The following UPF2 variants were observed in gnomAD, a reference collection of about 807,000 sequenced individuals.
UPF2 encodes regulator of nonsense transcripts 2.
In UPF2, 17 loss-of-function variants were observed where a neutral mutation model predicts 141.4. The observed-to-expected ratio is 0.12, with a 90% CI of 0.08 to 0.18. The LOEUF (loss-of-function observed/expected upper bound fraction) is 0.18. Among genes scored for constraint, UPF2 ranks in the 10% least tolerant of loss-of-function variants. UPF2 has a pLI of 1.00. For synonymous variants in UPF2, 540 were observed against 498.0 expected (o/e 1.08, Z -1.12); for missense variants, 1,152 against 1,515.9 (o/e 0.76, Z 3.99).
chr10:12,039,560 T>G, intron 1 of UPF2, among the ~76,000 whole-genome samples: 1 of 152,064 alleles, frequency 6.6e-6, no homozygotes, highest in Non-Finnish European at 1.5e-5. Flanking sequence ...AAGTAACATT[T>G]CAGGACCACA....
At chr10:11,984,396 C>T (rs1402873871) in intron 8 of UPF2, among the ~76,000 whole-genome samples, 1 of 151,944 alleles carries the variant, frequency 6.6e-6, no homozygotes, top group Non-Finnish European at 1.5e-5. Context: ...TTTTAATGTT[C>T]TTTTTCTTTA....
At chr10:11,938,238 T>G (rs1221456545) in intron 18 of UPF2, among the ~76,000 whole-genome samples, 2 of 152,218 alleles carry the variant, frequency 1.3e-5, no homozygotes, top group East Asian at 1.9e-4. Context: ...TGGTTATCTT[T>G]CTCTTTGAGT....
chr10:11,929,824 A>G, intron 21 of UPF2, 41 bp downstream of exon 21: 1 of 1,602,478 alleles, frequency 6.2e-7, no homozygotes, highest in Non-Finnish European at 8.5e-7. Context: ...TATGGACATC[A>G]TGGAAACAAA....
chr10:12,022,719 C>T (rs902288494), intron 3 of UPF2, among the ~76,000 whole-genome samples: 18 of 152,098 alleles, frequency 1.2e-4, no homozygotes, highest in African/African-American at 4.1e-4. Context: ...AAACAACCTA[C>T]CTGTGAAGCA....
intron 4 of UPF2, among the ~76,000 whole-genome samples, chr10:12,011,951 T>TAAA (rs926695020): frequency 1.3e-5 from 2 of 150,636 alleles, no homozygotes; most frequent in African/African-American, 4.9e-5. Flanking sequence ...GTCTCAAAAA[T>TAAA]AATAATAATA....
Position 11,953,034 on chromosome 10 carries a change from C to T in UPF2, c.2851-785G>A, listed in dbSNP as rs1440034453. Among the ~76,000 whole-genome samples the T allele has an allele frequency of 6.6e-6, 1 of 152,152 alleles. No homozygotes were observed. Among genetic ancestry groups the T allele is most frequent in the Non-Finnish European group, 1.5e-5 (1 of 68,032 alleles). ...ATAAAAATCACTAATCATCAACAAGCATTTATTGAATATCTACTGTGTATA... is the reference window on the plus strand; with the variant it reads ...ATAAAAATCACTAATCATCAACAAGTATTTATTGAATATCTACTGTGTATA... On this transcript the variant is annotated intron_variant, in intron 14 of 21. Transcript: ENST00000357604. The surrounding 1 kb of genome is among the most constrained non-coding windows in gnomAD (Gnocchi z 5.0).
chr10:11,933,036 T>C (rs1832801246), intron 19 of UPF2, among the ~76,000 whole-genome samples: 1 of 152,188 alleles, frequency 6.6e-6, no homozygotes. Context: ...AATTCAGAAA[T>C]ATTTAAATCT....
rs1049439809 is a variant in UPF2, at chr10:11,959,983, T to A, written c.2185-627A>T. On this transcript the variant is annotated intron_variant, in intron 11 of 21. Transcript: ENST00000357604. The surrounding 1 kb of genome is among the most constrained non-coding windows in gnomAD (Gnocchi z 5.9). Reference sequence around the variant, plus strand: ...ACTTTGTGTCTAGGGTTGCTCAGTATCAGCTCAGAAGAGGTAACTAACAAA... The same window carrying A: ...ACTTTGTGTCTAGGGTTGCTCAGTAACAGCTCAGAAGAGGTAACTAACAAA... Among the ~76,000 whole-genome samples the A allele has an allele frequency of 6.6e-6, 1 of 152,204 alleles. No homozygotes were observed. Among genetic ancestry groups the A allele is most frequent in the African/African-American group, 2.4e-5 (1 of 41,440 alleles).
At chr10:11,957,300 GCAA>G (rs150913528) in intron 12 of UPF2, among the ~76,000 whole-genome samples, 433 of 151,868 alleles carry the variant, frequency 2.9e-3, no homozygotes, top group African/African-American at 0.01. Flanking sequence ...ACAGTGGTGG[GCAA>G]CTGCAATCCC....
intron 4 of UPF2, among the ~76,000 whole-genome samples, chr10:12,010,745 G>C (rs531494716): frequency 6.6e-6 from 1 of 151,930 alleles, no homozygotes; most frequent in Non-Finnish European, 1.5e-5. Context: ...CAAGGAACCC[G>C]AAGTACAAGA....
In UPF2 at chr10:11,948,826, C is replaced by T. The variant is rs565274160; in HGVS notation, c.3035-318G>A. Among the ~76,000 whole-genome samples, 100 of 152,210 alleles carry T rather than the reference C, an allele frequency of 6.6e-4. No individual in the cohort carries two copies. The Middle Eastern group carries it at 0.02, about 31-fold the overall frequency. ...CTCAGTCTTGGACAAAGGTAGAAAACAGTAACAGATGAGGTACAGTCTCAG... is the reference window on the plus strand; with the variant it reads ...CTCAGTCTTGGACAAAGGTAGAAAATAGTAACAGATGAGGTACAGTCTCAG... On this transcript the variant is annotated intron_variant, in intron 15 of 21. Coordinates refer to ENST00000357604, the MANE Select transcript of UPF2 (RefSeq NM_015542.4).
At chr10:11,922,567 T>A (rs766295809) in intron 21 of UPF2, among the ~76,000 whole-genome samples, 1 of 152,212 alleles carries the variant, frequency 6.6e-6, no homozygotes, top group Non-Finnish European at 1.5e-5. Context: ...TCAAAATCTT[T>A]GCTAAGTAAG....
rs1564336741 is a variant in UPF2 at position 11,936,659 on chromosome 10, C to T, written c.3432G>A (p.Leu1144=). The T allele has an allele frequency of 1.2e-6, 2 of 1,613,152 alleles. No homozygotes were observed. Among genetic ancestry groups the T allele is most frequent in the East Asian group, 2.2e-5 (1 of 44,848 alleles). The change falls in exon 19 of 22, where the codon TTG becomes TTA. Residue 1144 remains leucine (L), a synonymous_variant. Transcript: ENST00000357604. The surrounding 1 kb of genome is among the most constrained non-coding windows in gnomAD (Gnocchi z 6.6). ...KVHQLDVAIP[L]HLKSQLRKGP... is the part of the protein sequence containing the mutation. ...CTTTCCTCAGCTGGCTTTTGAGATG[C>T]AAAGGAATGGCAACATCTAGTTGGT...
intron 6 of UPF2, among the ~76,000 whole-genome samples, 196 bp downstream of exon 6, chr10:12,001,480 A>C (rs1833951485): frequency 6.6e-6 from 1 of 152,212 alleles, no homozygotes; most frequent in African/African-American, 2.4e-5. Context: ...ATGATCATTA[A>C]AGTTTGTAGA....
At chr10:12,003,793 C>T (rs1833990131) in intron 5 of UPF2, among the ~76,000 whole-genome samples, 1 of 150,970 alleles carries the variant, frequency 6.6e-6, no homozygotes, top group Non-Finnish European at 1.5e-5. Flanking sequence ...GGCATGGCAG[C>T]ACACTTCTGT....
At chr10:11,981,103 C>A (rs564458654) in intron 8 of UPF2, among the ~76,000 whole-genome samples, 5 of 152,160 alleles carry the variant, frequency 3.3e-5, no homozygotes, top group East Asian at 1.9e-4. Context: ...GTGGAGGTTG[C>A]AGTGAGCCAA....
At position 11,935,023 on chromosome 10, in the gene UPF2, C is replaced by T. The variant is rs767448916; in HGVS notation, c.3546+1522G>A. On this transcript the variant is annotated intron_variant, in intron 19 of 21. Transcript: ENST00000357604. This position sits in a 1 kb window ranked among gnomAD's most constrained non-coding sequence, Gnocchi z 4.9. Reference sequence around the variant, plus strand: ...CAAGTATAGTGCACAATTTTGATCTCGGTGTACATGAGAAGTTGCCTGACA... The same window carrying T: ...CAAGTATAGTGCACAATTTTGATCTTGGTGTACATGAGAAGTTGCCTGACA... 2.6e-5 allele frequency among the ~76,000 whole-genome samples: 4 copies of T among 152,146 alleles called. No individual in the cohort carries two copies. Among genetic ancestry groups the T allele is most frequent in the East Asian group, 1.9e-4 (1 of 5,182 alleles).
chr10:12,015,616 C>T (rs778786188), intron 3 of UPF2, among the ~76,000 whole-genome samples: 69 of 152,126 alleles, frequency 4.5e-4, no homozygotes, highest in Non-Finnish European at 7.8e-4. Context: ...GCAGAAGAAT[C>T]GCTTGAACCT....
At chr10:12,038,378 T>TCACTCACACACACACACA (rs71380802) in intron 1 of UPF2, among the ~76,000 whole-genome samples, 8 of 135,844 alleles carry the variant, frequency 5.9e-5, no homozygotes, top group African/African-American at 2.3e-4. Flanking sequence ...AGACTCCATC[T>TCACTCACACACACACACA]CACACACACA....
Sources: gnomAD v4.1 joint callset for allele counts (sites outside exome capture counted in the v4.1 genomes callset) on GRCh38, gnomAD v4.1.1 for gene constraint, Gnocchi (gnomAD v3.1) non-coding constraint, MANE v1.5 for transcripts, NCBI Gene and HGNC (gene_info 2026-07-23, HGNC 2026-07-21) for gene names.